Variants in NBAS observed in about 807,000 individuals in gnomAD.
NBAS encodes the protein NBAS subunit of NRZ tethering complex.
A neutral mutation model predicts 302.5 loss-of-function variants in NBAS; 219 were observed. The observed-to-expected ratio is 0.72, with a 90% CI of 0.65 to 0.81. The LOEUF (loss-of-function observed/expected upper bound fraction) is 0.81, where lower values mean the gene tolerates loss of function less well. Among genes scored for constraint, NBAS ranks in the 30% least tolerant of loss-of-function variants. The pLI is 0.00. For missense variants in NBAS, 2,932 were observed against 2,841.6 expected, an observed-to-expected ratio of 1.03 and a Z score of -0.72; for synonymous variants, 1,118 against 1,021.6, an observed-to-expected ratio of 1.09 and a Z score of -1.80.
intron 10 of NBAS, among the ~76,000 whole-genome samples, chr2:15,510,139 C>T (rs148634190): frequency 0.01 from 1,554 of 152,272 alleles, 11 homozygotes; most frequent in Non-Finnish European, 0.017. Context: ...TGAGCCACCA[C>T]GCCCGGCCCA....
chr2:15,437,165 G>A (rs545046706), intron 21 of NBAS, among the ~76,000 whole-genome samples: 1 of 152,250 alleles, frequency 6.6e-6, no homozygotes, highest in East Asian at 1.9e-4. Context: ...CTTCGCCTGT[G>A]TATGAGCACT....
intron 21 of NBAS, among the ~76,000 whole-genome samples, chr2:15,438,930 G>C (rs1678179471): frequency 6.6e-6 from 1 of 152,172 alleles, no homozygotes; most frequent in South Asian, 2.1e-4. Flanking sequence ...TCAAGTTCCA[G>C]TCAGCCAGAA....
chr2:15,183,364 C>T (rs1423328618), intron 50 of NBAS, among the ~76,000 whole-genome samples: 1 of 152,190 alleles, frequency 6.6e-6, no homozygotes, highest in Non-Finnish European at 1.5e-5. Flanking sequence ...TGGAAAGTCA[C>T]GGTGACAACA....
chr2:14,842,109 A>G, the NBAS span, among the ~76,000 whole-genome samples: 2 of 152,034 alleles, frequency 1.3e-5, no homozygotes, highest in East Asian at 3.8e-4. Context: ...ATAAATTAAG[A>G]GGGAAATTTT....
chr2:14,963,865 T>G, the NBAS span, among the ~76,000 whole-genome samples: 1 of 152,232 alleles, frequency 6.6e-6, no homozygotes, highest in South Asian at 2.1e-4. Flanking sequence ...ATATACTGAT[T>G]CTGTGAGTCT....
chr2:15,202,991 A>T (rs2147835986), intron 48 of NBAS, among the ~76,000 whole-genome samples: 1 of 152,318 alleles, frequency 6.6e-6, no homozygotes, highest in Non-Finnish European at 1.5e-5. Context: ...TGGCCCTGTC[A>T]CTTAATAGCT....
chr2:14,943,031 G>T, the NBAS span, among the ~76,000 whole-genome samples: 1 of 152,192 alleles, frequency 6.6e-6, no homozygotes. Flanking sequence ...TTTTATTATG[G>T]CTAATGAACA....
intron 29 of NBAS, among the ~76,000 whole-genome samples, chr2:15,381,279 T>C (rs1675022603): frequency 8.6e-6 from 1 of 116,534 alleles, no homozygotes; most frequent in Non-Finnish European, 1.9e-5. Flanking sequence ...TGAACTTATT[T>C]TCCAAGGACA....
At chr2:15,536,377 T>C (rs1237472436) in intron 8 of NBAS, 41 bp downstream of exon 8, 2 of 1,591,988 alleles carry the variant, frequency 1.3e-6, no homozygotes, top group Non-Finnish European at 1.7e-6. Flanking sequence ...ACCAGAGAAA[T>C]AAACATTATT....
At chr2:15,044,258 G>A in the NBAS span, among the ~76,000 whole-genome samples, 5 of 152,022 alleles carry the variant, frequency 3.3e-5, no homozygotes, top group African/African-American at 1.2e-4. Context: ...TGCCTGATTT[G>A]CAGGTAAGTA....
At chr2:14,817,006 C>A in the NBAS span, among the ~76,000 whole-genome samples, 4 of 152,160 alleles carry the variant, frequency 2.6e-5, no homozygotes, top group Admixed American at 2.6e-4. Flanking sequence ...GTAGAGGTGA[C>A]TCCATAAAAT....
At chr2:15,091,733 A>T in the NBAS span, among the ~76,000 whole-genome samples, 2 of 152,086 alleles carry the variant, frequency 1.3e-5, no homozygotes, top group African/African-American at 4.8e-5. Flanking sequence ...GGGCTTCGCC[A>T]TATTGGCCAG....
the NBAS span, among the ~76,000 whole-genome samples, chr2:14,867,296 T>C: frequency 1.3e-5 from 2 of 152,206 alleles, no homozygotes; most frequent in Non-Finnish European, 2.9e-5. Flanking sequence ...CTCTACATCA[T>C]GGCTCAGGAG....
In NBAS at chr2:15,549,193, T is replaced by C. The variant is rs528860091; in HGVS notation, c.379+2300A>G. On this transcript the variant is annotated intron_variant, in intron 6 of 51. Coordinates refer to ENST00000281513, the MANE Select transcript of NBAS (RefSeq NM_015909.4). ...ATTTTACAGATAATGAAACTGGGGCTCAGAGAGGTAACTTGCCCGAGGTTA... is the reference window on the plus strand; with the variant it reads ...ATTTTACAGATAATGAAACTGGGGCCCAGAGAGGTAACTTGCCCGAGGTTA... Among the ~76,000 whole-genome samples, 135 of 152,280 alleles carry C rather than the reference T, an allele frequency of 8.9e-4. 1 individual carries two copies. The highest frequency in any genetic ancestry group is 3.2e-3 in the African/African-American group (132 of 41,550).
intron 41 of NBAS, among the ~76,000 whole-genome samples, chr2:15,290,787 A>C (rs1281467579): frequency 6.6e-6 from 1 of 152,200 alleles, no homozygotes; most frequent in Non-Finnish European, 1.5e-5. Context: ...AGAAGAGAAA[A>C]ACAATTCCAT....
chr2:15,349,954 T>C (rs1558260226), intron 35 of NBAS, among the ~76,000 whole-genome samples: 1 of 152,144 alleles, frequency 6.6e-6, no homozygotes, highest in Non-Finnish European at 1.5e-5. Context: ...GGCAGTGCTG[T>C]CCTAGAGTCA....
At chr2:15,441,555 C>A (rs1308691142) in intron 21 of NBAS, among the ~76,000 whole-genome samples, 1 of 151,586 alleles carries the variant, frequency 6.6e-6, no homozygotes, top group East Asian at 1.9e-4. Flanking sequence ...CAAAATCATG[C>A]CAAAATGTAA....
chr2:15,021,125 A>G, the NBAS span, among the ~76,000 whole-genome samples: 1 of 152,040 alleles, frequency 6.6e-6, no homozygotes, highest in Non-Finnish European at 1.5e-5. Context: ...CCATCTACTC[A>G]GGGAGGCTGA....
the NBAS span, among the ~76,000 whole-genome samples, chr2:14,897,063 CTT>C: frequency 7.3e-6 from 1 of 136,434 alleles, no homozygotes; most frequent in Admixed American, 7.4e-5. Context: ...AGCCGTTCCT[CTT>C]TTTTTTTTTT....
Sources: gnomAD v4.1 joint callset for allele counts (sites outside exome capture counted in the v4.1 genomes callset) on GRCh38, gnomAD v4.1.1 for gene constraint, MANE v1.5 for transcripts, NCBI Gene and HGNC (gene_info 2026-07-23, HGNC 2026-07-21) for gene names.